Variants in SCNN1A observed in about 807,000 individuals in gnomAD.
The protein encoded by SCNN1A is epithelial sodium channel subunit alpha.
Under a neutral mutation model 68.6 loss-of-function variants are expected in SCNN1A, and 65 were observed. The ratio of observed to expected loss-of-function variants is 0.95; its 90% CI spans 0.78 to 1.16. The LOEUF is 1.16. Ranked by LOEUF, SCNN1A falls within the 50% of genes most tolerant of loss-of-function variation. SCNN1A has a pLI of 0.00. For synonymous variants in SCNN1A, 357 were observed against 353.3 expected, an observed-to-expected ratio of 1.01 and a Z score of -0.12; for missense variants, 880 against 865.9, an observed-to-expected ratio of 1.02 and a Z score of -0.20.
Position 6,363,467 on chromosome 12 carries a change from C to T in SCNN1A, c.660G>A (p.Lys220=). Residue 220 remains lysine (K), a synonymous_variant, in exon 3 of 13, where the codon AAG becomes AAA. Coordinates refer to ENST00000228916, the MANE Select transcript of SCNN1A (RefSeq NM_001038.6). ...CCAGCTGGAAGCCGATCTTCCAGTCCTTCCAGTCCACCTGGGGGTTGTTGT... is the reference window on the plus strand; with the variant it reads ...CCAGCTGGAAGCCGATCTTCCAGTCTTTCCAGTCCACCTGGGGGTTGTTGT... The part of the protein sequence containing the change: ...LRDNNPQVDW[K]DWKIGFQLCN... 1.2e-6 allele frequency: 2 copies of T among 1,600,830 alleles called. No individual in the cohort carries two copies. The highest frequency in any genetic ancestry group is 1.7e-6 in the Non-Finnish European group (2 of 1,174,704).
chr12:6,369,476 G>C (rs767584242), intron 2 of SCNN1A, among the ~76,000 whole-genome samples: 1 of 152,062 alleles, frequency 6.6e-6, no homozygotes, highest in Non-Finnish European at 1.5e-5. Flanking sequence ...GAGGAGGCTG[G>C]GTTCCATAGG....
chr12:6,349,040 C>T (rs757942524), intron 10 of SCNN1A, 35 bp from the exon 11 acceptor site: 6 of 1,612,494 alleles, frequency 3.7e-6, no homozygotes, highest in Non-Finnish European at 5.1e-6. Context: ...AAGGTCACTC[C>T]CATATGCTTC....
chr12:6,376,399 G>C (rs890208277), upstream of SCNN1A, among the ~76,000 whole-genome samples: 3 of 152,232 alleles, frequency 2.0e-5, no homozygotes, highest in African/African-American at 7.2e-5. Flanking sequence ...AGAGTTGCAG[G>C]AATGTGGGCA....
At chr12:6,371,539 GGGGGT>G (rs1948791969) in intron 2 of SCNN1A, among the ~76,000 whole-genome samples, 1 of 126,652 alleles carries the variant, frequency 7.9e-6, no homozygotes, top group Non-Finnish European at 1.7e-5. Context: ...GGCGGGGGGT[GGGGGT>G]GAGGGTGGAC....
intron 5 of SCNN1A, 98 bp downstream of exon 5, chr12:6,355,679 C>G (rs1948484632): frequency 1.0e-6 from 1 of 964,538 alleles, no homozygotes; most frequent in Middle Eastern, 2.4e-4. Flanking sequence ...AGACAGCAGG[C>G]AGGACCCCTC....
In SCNN1A at chr12:6,349,062, G is replaced by A. The variant is rs77283060; in HGVS notation, c.1498-57C>T. 1,131 of 1,607,960 alleles carry A rather than the reference G, an allele frequency of 7.0e-4. 3 individuals are homozygous for A. The highest frequency in any genetic ancestry group is 9.3e-4 in the Non-Finnish European group (1,093 of 1,174,640). ...CTCCCATATGCTTCAGGCTTACAGG[G>A]ATAGGGTTGTGTCAAACACACTCAT... On this transcript the variant is annotated intron_variant, in intron 10 of 12. Coordinates refer to ENST00000228916, the MANE Select transcript of SCNN1A (RefSeq NM_001038.6).
intron 2 of SCNN1A, 66 bp from the exon 3 acceptor site, chr12:6,363,776 T>C: frequency 6.9e-7 from 1 of 1,452,432 alleles, no homozygotes; most frequent in Non-Finnish European, 9.3e-7. Flanking sequence ...CCCTCCGGGG[T>C]CAGGGTCCTC....
At chr12:6,355,991 G>C (rs903785149) in intron 4 of SCNN1A, 111 bp from the exon 5 acceptor site, 1 of 798,118 alleles carries the variant, frequency 1.3e-6, no homozygotes, top group African/African-American at 1.7e-5. Flanking sequence ...CAGGACTTGT[G>C]CCTTTCAGAG....
intron 3 of SCNN1A, 71 bp downstream of exon 3, chr12:6,363,372 G>C (rs973504901): frequency 7.4e-7 from 1 of 1,360,232 alleles, no homozygotes; most frequent in East Asian, 2.7e-5. Context: ...GGAAAGGAGC[G>C]GAGCCCATGG....
In SCNN1A at chr12:6,348,490, G is replaced by A. The variant is rs535361920; in HGVS notation, c.1629+237C>T. Among the ~76,000 whole-genome samples the A allele has an allele frequency of 4.7e-5, 7 of 147,616 alleles. No homozygotes were observed. The South Asian group carries it at 6.7e-4, about 14-fold the overall frequency. ...GCTGAAATGGGGGCATGGGTCAAGCGCCTTCACCCCAGCATCTAGCATGCC... is the reference window on the plus strand; with the variant it reads ...GCTGAAATGGGGGCATGGGTCAAGCACCTTCACCCCAGCATCTAGCATGCC... On this transcript the variant is annotated intron_variant, in intron 12 of 12. Coordinates refer to ENST00000228916, the MANE Select transcript of SCNN1A (RefSeq NM_001038.6).
At chr12:6,370,534 G>A (rs1948770985) in intron 2 of SCNN1A, among the ~76,000 whole-genome samples, 1 of 152,200 alleles carries the variant, frequency 6.6e-6, no homozygotes, top group Admixed American at 6.5e-5. Context: ...TAACAGCCGT[G>A]GGAGCCGCCT....
In SCNN1A at chr12:6,375,553, G is replaced by A. The variant is rs375596606; in HGVS notation, c.-103C>T. ...GGGGAGCCCGCCCGCTGGCCGGCCAGGGATGGAAGCGACAGGAATCTCATT... is the reference window on the plus strand; with the variant it reads ...GGGGAGCCCGCCCGCTGGCCGGCCAAGGATGGAAGCGACAGGAATCTCATT... On this transcript the variant is annotated 5_prime_UTR_variant, in exon 1 of 13. Coordinates refer to ENST00000228916, the MANE Select transcript of SCNN1A (RefSeq NM_001038.6). 7 of 1,535,106 alleles carry A rather than the reference G, an allele frequency of 4.6e-6. No individual in the cohort carries two copies. Among genetic ancestry groups the A allele is most frequent in the Non-Finnish European group, 4.4e-6 (5 of 1,146,650 alleles).
Position 6,371,132 on chromosome 12 carries a change from C to T in SCNN1A, c.416+3236G>A, listed in dbSNP as rs139636284. The stretch of plus-strand genomic sequence containing the variant: ...TCCTGCATGTCCACTTTCCTCCTCT[C>T]CCTCTGCTGGTGGCGACCCTCAGCA... On this transcript the variant is annotated intron_variant, in intron 2 of 12. Coordinates refer to ENST00000228916, the MANE Select transcript of SCNN1A (RefSeq NM_001038.6). Among the ~76,000 whole-genome samples the T allele has an allele frequency of 3.8e-4, 58 of 152,278 alleles. 2 individuals carry two copies. The highest frequency in any genetic ancestry group is 7.5e-4 in the Non-Finnish European group (51 of 68,024).
rs889799875 is a variant in SCNN1A at position 6,349,415 on chromosome 12, C to G, written c.1361-10G>C. On this transcript the variant is annotated splice_polypyrimidine_tract_variant and intron_variant, in intron 8 of 12. Coordinates refer to ENST00000228916, the MANE Select transcript of SCNN1A (RefSeq NM_001038.6). ...TTATAGTAGCAGTACCCTGTGGGTA[C>G]AGAGAGATGCCTGTTCTCCTAGGGC... is the stretch of plus-strand genomic sequence containing the variant. 6.4e-7 allele frequency: 1 copy of G among 1,569,168 alleles called. No homozygotes were observed. Among genetic ancestry groups the G allele is most frequent in the African/African-American group, 1.4e-5 (1 of 73,680 alleles).
At chr12:6,368,904 G>A (rs1034052909) in intron 2 of SCNN1A, among the ~76,000 whole-genome samples, 1 of 152,184 alleles carries the variant, frequency 6.6e-6, no homozygotes, top group African/African-American at 2.4e-5. Flanking sequence ...CACTAGATCT[G>A]CCTACCGCAT....
At position 6,349,306 on chromosome 12, in the gene SCNN1A, C is replaced by A. The variant is rs1244162948; in HGVS notation, c.1439+21G>T. 1.9e-6 allele frequency: 3 copies of A among 1,613,522 alleles called. No individual in the cohort carries two copies. In the Admixed American group the frequency reaches 5.0e-5, roughly 27 times the overall value. On this transcript the variant is annotated intron_variant, in intron 9 of 12. Transcript: ENST00000228916. ...TAACCTGTATTCTACCCAACCTGTA[C>A]CCGGGGAAGGGGACACTAACCTGCA...
At chr12:6,363,345 GC>G in intron 3 of SCNN1A, 97 bp downstream of exon 3, 1 of 1,101,272 alleles carries the variant, frequency 9.1e-7, no homozygotes, top group Non-Finnish European at 1.2e-6. Flanking sequence ...GTGTCACTGG[GC>G]TGCGCGGGCG....
rs1420817723 is a variant in SCNN1A at position 6,355,283 on chromosome 12, T to C, written c.1132A>G (p.Ser378Gly). ...NLRPGVETSI[S>G]MRKETLDRLG... is the part of the protein sequence containing the mutation. ...GTCAGCATCCTTGCCTTCCTCATGCTGATGGAGGTCTCCACGCCAGGCCGC... is the reference window on the plus strand; with the variant it reads ...GTCAGCATCCTTGCCTTCCTCATGCCGATGGAGGTCTCCACGCCAGGCCGC... Residue 378 changes from serine (S) to glycine (G), a missense_variant, in exon 6 of 13, where the codon AGC becomes GGC. Physicochemically the swap from Ser to Gly is moderately conservative, Grantham distance 56. Transcript: ENST00000228916. 5.0e-6 allele frequency: 8 copies of C among 1,613,222 alleles called. No individual in the cohort carries two copies. The highest frequency in any genetic ancestry group is 6.8e-6 in the Non-Finnish European group (8 of 1,179,592).
At position 6,348,799 on chromosome 12, in the gene SCNN1A, A is replaced by G; in HGVS notation, c.1557T>C (p.Asn519=). 6.2e-7 allele frequency: 1 copy of G among 1,613,550 alleles called. No homozygotes were observed. The highest frequency in any genetic ancestry group is 8.5e-7 in the Non-Finnish European group (1 of 1,179,774). The change falls in exon 12 of 13, where the codon AAT becomes AAC. Residue 519 remains asparagine (N), a synonymous_variant. Coordinates refer to ENST00000228916, the MANE Select transcript of SCNN1A (RefSeq NM_001038.6). ...QNNYTVNNKR[N]GVAKVNIFFK... is the part of the protein sequence containing the mutation. ...AGAAGATGTTGACTTTGGCCACTCC[A>G]TTTCTTAGGTGTGGGGCAGAGGGTG...
Sources: gnomAD v4.1 joint callset for allele counts (sites outside exome capture counted in the v4.1 genomes callset) on GRCh38, gnomAD v4.1.1 for gene constraint, MANE v1.5 for transcripts, NCBI Gene and HGNC (gene_info 2026-07-23, HGNC 2026-07-21) for gene names.